Variants in ATP8A2 observed in about 807,000 individuals in gnomAD.
ATP8A2 encodes the protein ATPase phospholipid transporting 8A2.
In ATP8A2, 100 loss-of-function variants were observed where a neutral mutation model predicts 165.6. The observed-to-expected ratio is 0.60, with a 90% CI of 0.51 to 0.71. The LOEUF is 0.71. Among genes scored for constraint, ATP8A2 ranks in the 30% least tolerant of loss-of-function variants. The pLI, the probability that ATP8A2 is intolerant of heterozygous loss-of-function variation, is 0.00. For synonymous variants in ATP8A2, 543 were observed against 548.8 expected (o/e 0.99, Z 0.15); for missense variants, 1,227 against 1,479.5 (o/e 0.83, Z 2.80).
chr13:25,854,891 A>G (rs1952113334), intron 30 of ATP8A2, among the ~76,000 whole-genome samples: 1 of 152,222 alleles, frequency 6.6e-6, no homozygotes, highest in African/African-American at 2.4e-5. Flanking sequence ...ACAGAGTTGT[A>G]CAGCCATCAT....
intron 33 of ATP8A2, among the ~76,000 whole-genome samples, chr13:25,955,946 C>T (rs1268196136): frequency 6.6e-6 from 1 of 152,172 alleles, no homozygotes; most frequent in Admixed American, 6.5e-5. Flanking sequence ...TCAGCTTCAT[C>T]CCTGGATGCA....
At chr13:25,893,428 A>G (rs1464576516) in intron 33 of ATP8A2, among the ~76,000 whole-genome samples, 1 of 151,364 alleles carries the variant, frequency 6.6e-6, no homozygotes, top group African/African-American at 2.4e-5. Context: ...TATGTGCCAC[A>G]TTTTCTTAAT....
At chr13:25,665,112 C>A (rs1369945794) in intron 24 of ATP8A2, among the ~76,000 whole-genome samples, 3 of 152,102 alleles carry the variant, frequency 2.0e-5, no homozygotes, top group Admixed American at 2.0e-4. Context: ...AAGGCAGAGT[C>A]CCCGGTAGGC....
At chr13:25,784,577 C>T (rs908607973) in intron 27 of ATP8A2, among the ~76,000 whole-genome samples, 9 of 152,220 alleles carry the variant, frequency 5.9e-5, no homozygotes, top group Admixed American at 1.3e-4. Context: ...GAGGCACACA[C>T]GTAAGAATCT....
intron 35 of ATP8A2, among the ~76,000 whole-genome samples, chr13:26,009,669 GGGAGGGTGTACCT>G (rs1956804871): frequency 6.6e-6 from 1 of 152,146 alleles, no homozygotes; most frequent in African/African-American, 2.4e-5. Flanking sequence ...CCTGGGCCAT[GGGAGGGTGTACCT>G]CCTTGGCTGT....
chr13:25,551,221 A>T, intron 10 of ATP8A2, 117 bp from the exon 11 acceptor site: 1 of 1,007,732 alleles, frequency 9.9e-7, no homozygotes, highest in African/African-American at 1.6e-5. Context: ...ATTATTTGGC[A>T]AAAAAATAGT....
chr13:25,721,556 G>A (rs2043381960), intron 25 of ATP8A2, among the ~76,000 whole-genome samples: 1 of 152,186 alleles, frequency 6.6e-6, no homozygotes, highest in African/African-American at 2.4e-5. Flanking sequence ...ATGTACAGCT[G>A]TTATGTATCA....
chr13:25,583,980 A>C (rs1167268421), intron 23 of ATP8A2, among the ~76,000 whole-genome samples: 1 of 152,180 alleles, frequency 6.6e-6, no homozygotes, highest in African/African-American at 2.4e-5. Flanking sequence ...TCAAAGTCTT[A>C]TGTTTATCCT....
intron 30 of ATP8A2, among the ~76,000 whole-genome samples, chr13:25,840,795 A>G (rs996987795): frequency 2.0e-5 from 3 of 152,114 alleles, no homozygotes; most frequent in Admixed American, 2.0e-4. Context: ...CCATCATTGT[A>G]GCAGGAAGGA....
rs1566233824 is a variant in ATP8A2, at chr13:25,882,914, ATGATGATG to A, written c.3183+20507_3183+20514del. On this transcript the variant is annotated intron_variant, in intron 33 of 36. Transcript: ENST00000381655. The stretch of plus-strand genomic sequence containing the variant: ...GCCTGAGATGATGATGATGATGATG[ATGATGATG>A]ATGATGATGATGATGATGGTGATGG... Among the ~76,000 whole-genome samples, 15 of 151,518 alleles carry A rather than the reference ATGATGATG, an allele frequency of 9.9e-5. No homozygotes were observed. In the East Asian group the frequency reaches 2.9e-3, roughly 29 times the overall value.
intron 24 of ATP8A2, among the ~76,000 whole-genome samples, chr13:25,637,804 A>G (rs1364495305): frequency 6.6e-6 from 1 of 152,134 alleles, no homozygotes; most frequent in Non-Finnish European, 1.5e-5. Flanking sequence ...TGGACAGACT[A>G]CCTCTTCAAG....
chr13:25,589,167 CTT>C (rs1200240002), intron 23 of ATP8A2, among the ~76,000 whole-genome samples: 2 of 151,870 alleles, frequency 1.3e-5, no homozygotes, highest in Non-Finnish European at 2.9e-5. Flanking sequence ...ATGTGGATTA[CTT>C]TAAATTTTTC....
At chr13:26,001,404 T>C (rs1956629077) in intron 35 of ATP8A2, among the ~76,000 whole-genome samples, 1 of 152,206 alleles carries the variant, frequency 6.6e-6, no homozygotes, top group African/African-American at 2.4e-5. Context: ...AGGAATGGAA[T>C]TGGTGAGTGA....
chr13:25,899,734 C>T (rs955602198), intron 33 of ATP8A2, among the ~76,000 whole-genome samples: 9 of 152,036 alleles, frequency 5.9e-5, no homozygotes, highest in Non-Finnish European at 1.2e-4. Flanking sequence ...GAGGGGTGCA[C>T]GGTAGCCAGA....
At chr13:25,584,647 TA>T (rs2138261983) in intron 23 of ATP8A2, among the ~76,000 whole-genome samples, 1 of 152,338 alleles carries the variant, frequency 6.6e-6, no homozygotes, top group East Asian at 1.9e-4. Context: ...GGCTATACCC[TA>T]CTTAATGACC....
Position 25,401,744 on chromosome 13 carries a change from T to C in ATP8A2, c.76+29456T>C, listed in dbSNP as rs58178066. 3.9e-3 allele frequency among the ~76,000 whole-genome samples: 595 copies of C among 152,314 alleles called. 6 individuals carry two copies. The highest frequency in any genetic ancestry group is 0.013 in the African/African-American group (560 of 41,572). ...TAAACACTATGCTTCTTCCTGCACA[T>C]ACATACCTATGATAAAGTTTAATTT... On this transcript the variant is annotated intron_variant, in intron 1 of 36. Coordinates refer to ENST00000381655, the MANE Select transcript of ATP8A2 (RefSeq NM_016529.6).
chr13:25,551,991 G>T (rs1354625254), intron 11 of ATP8A2, among the ~76,000 whole-genome samples: 1 of 151,942 alleles, frequency 6.6e-6, no homozygotes, highest in African/African-American at 2.4e-5. Flanking sequence ...AGTGTTTTTT[G>T]TTGTTGTTGT....
intron 1 of ATP8A2, among the ~76,000 whole-genome samples, chr13:25,424,870 A>G (rs1012346861): frequency 6.6e-6 from 1 of 152,176 alleles, no homozygotes; most frequent in South Asian, 2.1e-4. Flanking sequence ...AGGCAGGAGA[A>G]CTGCTTGAAC....
intron 27 of ATP8A2, among the ~76,000 whole-genome samples, chr13:25,776,321 C>T (rs2044740986): frequency 6.6e-6 from 1 of 152,146 alleles, no homozygotes; most frequent in South Asian, 2.1e-4. Flanking sequence ...TGAAACTGAC[C>T]CATTCTTCCT....
Sources: allele counts gnomAD v4.1 joint callset (sites outside exome capture counted in the v4.1 genomes callset), GRCh38; gene constraint gnomAD v4.1.1; transcripts MANE v1.5; gene names NCBI Gene and HGNC (gene_info 2026-07-23, HGNC 2026-07-21).